The following SNX29 variants were observed in gnomAD, a reference collection of about 807,000 sequenced individuals.
The protein encoded by SNX29 is sorting nexin 29, also known as sorting nexin-29.
SNX29 carries 78 observed loss-of-function variants against 102.1 expected under a neutral mutation model. The observed-to-expected ratio is 0.76, with a 90% confidence interval of 0.64 to 0.92. The LOEUF (loss-of-function observed/expected upper bound fraction) is 0.92. Among genes scored for constraint, SNX29 ranks in the 40% least tolerant of loss-of-function variants. The probability of loss-of-function intolerance (pLI) is 0.00; values close to 1 mark genes in which losing one functional copy is unlikely to be tolerated. For synonymous variants in SNX29, 580 were observed against 414.5 expected, an observed-to-expected ratio of 1.40 and a Z score of -4.85; for missense variants, 1,280 against 1,061.7, an observed-to-expected ratio of 1.21 and a Z score of -2.86.
At chr16:12,536,661 TCCAGGGAAGAGCTGGTATTAAG>T (rs1245881766) in intron 20 of SNX29, among the ~76,000 whole-genome samples, 1 of 152,120 alleles carries the variant, frequency 6.6e-6, no homozygotes, top group Non-Finnish European at 1.5e-5. Context: ...GTTCCTTAGA[TCCAGGGAAGAGCTGGTATTAAG>T]AGGTGTTCAG....
At chr16:12,328,779 A>T (rs943039339) in intron 15 of SNX29, among the ~76,000 whole-genome samples, 6 of 152,074 alleles carry the variant, frequency 3.9e-5, no homozygotes, top group African/African-American at 1.4e-4. Context: ...CATTATTGCC[A>T]CAAATGCTTC....
intron 3 of SNX29, among the ~76,000 whole-genome samples, chr16:12,009,903 A>G (rs189117567): frequency 6.6e-6 from 1 of 152,236 alleles, no homozygotes; most frequent in Non-Finnish European, 1.5e-5. Context: ...TCTTTGTCCC[A>G]TACGGAATCA....
At chr16:12,543,173 T>C (rs1364329388) in intron 20 of SNX29, among the ~76,000 whole-genome samples, 3 of 152,208 alleles carry the variant, frequency 2.0e-5, no homozygotes, top group Non-Finnish European at 4.4e-5. Flanking sequence ...CATCAGCTCC[T>C]GTAGAAGTCC....
At chr16:12,444,227 T>C (rs2430663) in intron 18 of SNX29, among the ~76,000 whole-genome samples, 104,683 of 147,062 alleles carry the variant, frequency 0.71, 38,063 homozygotes, top group African/African-American at 0.91. Flanking sequence ...GCCCCTAGCA[T>C]GTGGTAAGCA....
intron 19 of SNX29, among the ~76,000 whole-genome samples, chr16:12,503,012 A>G (rs147554356): frequency 9.2e-5 from 14 of 152,108 alleles, no homozygotes; most frequent in Middle Eastern, 3.4e-3. Flanking sequence ...TTTTTCCCTA[A>G]TCCCATGTAT....
rs868167869 is a variant in SNX29 at position 12,569,132 on chromosome 16, G to C, written c.*503G>C. ...GGATGGCTGGCTTTGCGGGGGGGGG[G>C]GGGGGGGGGGGCATGGTTCCTTTCA... On this transcript the variant is annotated 3_prime_UTR_variant, in exon 21 of 21. Transcript: ENST00000566228. The C allele has an allele frequency of 3.2e-4, 46 of 141,646 alleles. No homozygotes were observed. Among genetic ancestry groups the C allele is most frequent in the South Asian group, 3.2e-3 (9 of 2,782 alleles). The allele number at this position is 141,646 out of a possible 1,614,324, so 8.8% of individuals were successfully genotyped here.
chr16:12,466,646 A>T (rs1007773288), intron 18 of SNX29, among the ~76,000 whole-genome samples: 2 of 152,048 alleles, frequency 1.3e-5, no homozygotes, highest in African/African-American at 4.8e-5. Flanking sequence ...ACCATGATCT[A>T]CCTGGAGCCC....
chr16:12,259,972 C>A (rs2078686544), intron 14 of SNX29, among the ~76,000 whole-genome samples: 1 of 152,178 alleles, frequency 6.6e-6, no homozygotes, highest in Admixed American at 6.5e-5. Flanking sequence ...CCGCTCAGGT[C>A]TTTGCTCCTG....
At chr16:12,544,816 A>G (rs1216496630) in intron 20 of SNX29, among the ~76,000 whole-genome samples, 4 of 152,218 alleles carry the variant, frequency 2.6e-5, no homozygotes, top group South Asian at 2.1e-4. Context: ...ACTCTTGACC[A>G]CTGCTTCAGC....
intron 2 of SNX29, 55 bp from the exon 3 acceptor site, chr16:12,002,936 C>T (rs920219112): frequency 2.7e-5 from 43 of 1,607,324 alleles, no homozygotes; most frequent in African/African-American, 4.0e-5. Flanking sequence ...TGTTTTATGA[C>T]GTTTTGAGTG....
In SNX29 at chr16:12,572,471, A is replaced by C. The variant is rs1321584871; in HGVS notation, c.*3842A>C. The C allele has an allele frequency of 9.4e-7, 1 of 1,063,632 alleles. No individual in the cohort carries two copies. The highest frequency in any genetic ancestry group is 1.1e-6 in the Non-Finnish European group (1 of 878,320). The allele number at this position is 1,063,632 out of a possible 1,614,324, so 65.9% of individuals were successfully genotyped here. A position where few individuals can be genotyped will look rare whatever the true frequency, so the allele number is the denominator to read the frequency against. Reference sequence around the variant, plus strand: ...TGCATGGTACATTTTGCCAACCCTGAGGACCAGTTCTTGGGGTTCCAGGCC... The same window carrying C: ...TGCATGGTACATTTTGCCAACCCTGCGGACCAGTTCTTGGGGTTCCAGGCC... On this transcript the variant is annotated 3_prime_UTR_variant, in exon 21 of 21. Transcript: ENST00000566228.
intron 14 of SNX29, among the ~76,000 whole-genome samples, chr16:12,276,184 G>A (rs2079245174): frequency 6.6e-6 from 1 of 152,118 alleles, no homozygotes. Context: ...GTGAGCCACC[G>A]CACCTGGCCT....
chr16:12,528,760 A>G lies in SNX29; in HGVS notation c.2318+3919A>G, dbSNP rs146534564. Among the ~76,000 whole-genome samples the G allele has an allele frequency of 3.6e-3, 553 of 152,254 alleles. 3 individuals are homozygous for G. Among genetic ancestry groups the G allele is most frequent in the African/African-American group, 0.012 (500 of 41,534 alleles). ...CCTCCATTTGAATCTGTGGACATCC[A>G]CGTTACTCATGATGCATTCGGTTTG... On this transcript the variant is annotated intron_variant, in intron 20 of 20. Coordinates refer to ENST00000566228, the MANE Select transcript of SNX29 (RefSeq NM_032167.5).
intron 20 of SNX29, among the ~76,000 whole-genome samples, chr16:12,555,866 C>G (rs1377213788): frequency 6.6e-6 from 1 of 152,160 alleles, no homozygotes; most frequent in Admixed American, 6.5e-5. Context: ...ATCATTTTCT[C>G]CAGAGGCCGT....
intron 9 of SNX29, among the ~76,000 whole-genome samples, chr16:12,068,170 G>C (rs927553561): frequency 3.9e-5 from 6 of 152,042 alleles, no homozygotes; most frequent in Non-Finnish European, 7.4e-5. Flanking sequence ...ATAATTCCAG[G>C]TGGCTCAAGG....
intron 15 of SNX29, among the ~76,000 whole-genome samples, chr16:12,281,672 T>G (rs1055672041): frequency 6.6e-6 from 1 of 152,154 alleles, no homozygotes; most frequent in Non-Finnish European, 1.5e-5. Context: ...TGAACATATG[T>G]GATCCTGAGA....
chr16:12,443,666 G>A (rs975945478), intron 18 of SNX29, among the ~76,000 whole-genome samples: 1 of 152,202 alleles, frequency 6.6e-6, no homozygotes, highest in Non-Finnish European at 1.5e-5. Context: ...GACCAGGCTG[G>A]TCTCAAACTC....
chr16:12,434,904 A>C (rs2085469186), intron 18 of SNX29, among the ~76,000 whole-genome samples: 1 of 143,246 alleles, frequency 7.0e-6, no homozygotes, highest in Non-Finnish European at 1.5e-5. Context: ...GTATAAATTC[A>C]GCCTTCTGGG....
chr16:12,446,047 CTTTTT>C (rs60889973), intron 18 of SNX29, among the ~76,000 whole-genome samples: 51,366 of 97,224 alleles, frequency 0.53, 11,794 homozygotes, highest in South Asian at 0.67. Context: ...GCTTCTCATT[CTTTTT>C]TTTTTTTTTT....
Sources: gnomAD v4.1 joint callset for allele counts (sites outside exome capture counted in the v4.1 genomes callset) on GRCh38, gnomAD v4.1.1 for gene constraint, MANE v1.5 for transcripts, NCBI Gene and HGNC (gene_info 2026-07-23, HGNC 2026-07-21) for gene names.